Variants in GRIN2B observed in about 807,000 individuals in gnomAD.
GRIN2B encodes the protein glutamate receptor ionotropic, NMDA 2B.
In GRIN2B, 5 loss-of-function variants were observed where a neutral mutation model predicts 114.5. The ratio of observed to expected loss-of-function variants is 0.04; its 90% CI spans 0.02 to 0.09. The LOEUF (loss-of-function observed/expected upper bound fraction) is 0.09. Ranked by LOEUF, GRIN2B falls within the 10% of genes least tolerant of loss-of-function variation. The pLI is 1.00. For synonymous variants in GRIN2B, 787 were observed against 745.1 expected (o/e 1.06, Z -0.92); for missense variants, 1,108 against 1,943.5 (o/e 0.57, Z 8.08).
chr12:13,621,620 T>TG (rs1949516725), intron 5 of GRIN2B, among the ~76,000 whole-genome samples: 2 of 145,206 alleles, frequency 1.4e-5, no homozygotes, highest in African/African-American at 2.6e-5. Context: ...TTTGTTTTTT[T>TG]TTTTTTTTTT....
At chr12:13,863,599 A>G (rs927779283) in intron 3 of GRIN2B, among the ~76,000 whole-genome samples, 1 of 152,234 alleles carries the variant, frequency 6.6e-6, no homozygotes, top group African/African-American at 2.4e-5. Context: ...AGAGTATTAA[A>G]TAAGATAGTA....
At chr12:13,824,184 T>C (rs1356805127) in intron 3 of GRIN2B, among the ~76,000 whole-genome samples, 1 of 152,088 alleles carries the variant, frequency 6.6e-6, no homozygotes, top group Admixed American at 6.6e-5. Context: ...CCTGGAAGAG[T>C]TTGTGTAGAA....
intron 4 of GRIN2B, among the ~76,000 whole-genome samples, chr12:13,695,520 A>G (rs1950252410): frequency 6.6e-6 from 1 of 152,170 alleles, no homozygotes; most frequent in Admixed American, 6.5e-5. Context: ...AAGAATGGAG[A>G]GTCCAGAGAG....
chr12:13,616,165 C>T (rs1949437359), intron 6 of GRIN2B, among the ~76,000 whole-genome samples: 1 of 152,160 alleles, frequency 6.6e-6, no homozygotes, highest in Non-Finnish European at 1.5e-5. Context: ...CATATTTGAA[C>T]ACCAGAAGTA....
chr12:13,979,673 T>G (rs1395032302), intron 2 of GRIN2B, among the ~76,000 whole-genome samples: 1 of 152,042 alleles, frequency 6.6e-6, no homozygotes, highest in Non-Finnish European at 1.5e-5. Flanking sequence ...CCTGATGCCA[T>G]CCAACATCTT....
At chr12:13,787,024 G>C (rs529134418) in intron 3 of GRIN2B, among the ~76,000 whole-genome samples, 12 of 151,936 alleles carry the variant, frequency 7.9e-5, no homozygotes, top group African/African-American at 2.9e-4. Context: ...GTTCTTACCT[G>C]CTGCTTTCTG....
chr12:13,669,537 C>A (rs573695087), intron 5 of GRIN2B, among the ~76,000 whole-genome samples: 1 of 152,174 alleles, frequency 6.6e-6, no homozygotes, highest in South Asian at 2.1e-4. Context: ...CCCTTAGATG[C>A]CTTCTGTAGA....
chr12:13,596,601 A>G (rs1949076478), intron 10 of GRIN2B, among the ~76,000 whole-genome samples: 2 of 152,208 alleles, frequency 1.3e-5, no homozygotes, highest in African/African-American at 4.8e-5. Context: ...TTGTAGCTGG[A>G]TTAAGTAAAC....
At chr12:13,587,758 G>A (rs1223751053) in intron 10 of GRIN2B, among the ~76,000 whole-genome samples, 1 of 152,210 alleles carries the variant, frequency 6.6e-6, no homozygotes, top group Admixed American at 6.5e-5. Context: ...GCTTGGAGCA[G>A]ACACTTTTTC....
intron 4 of GRIN2B, among the ~76,000 whole-genome samples, chr12:13,745,852 G>T (rs1292447344): frequency 5.3e-5 from 8 of 152,118 alleles, no homozygotes; most frequent in Admixed American, 2.0e-4. Flanking sequence ...CTGGGCCTCG[G>T]GTTCCTTAAA....
chr12:13,903,439 A>G lies in GRIN2B; in HGVS notation c.-18-37213T>C, dbSNP rs752527239. 1.1e-4 allele frequency among the ~76,000 whole-genome samples: 17 copies of G among 152,248 alleles called. No individual in the cohort carries two copies. In the South Asian group the frequency reaches 3.1e-3, roughly 28 times the overall value. On this transcript the variant is annotated intron_variant, in intron 2 of 13. Transcript: ENST00000609686. ...TATGTAGCATTTTAGTTATTGTTCA[A>G]TTCGAAATAGTTTCTAAACTTCTAT...
At chr12:13,608,310 C>A (rs1014399274) in intron 10 of GRIN2B, among the ~76,000 whole-genome samples, 1 of 152,104 alleles carries the variant, frequency 6.6e-6, no homozygotes, top group African/African-American at 2.4e-5. Flanking sequence ...GATAGGCCAC[C>A]CAACCACATC....
At chr12:13,912,495 AG>A (rs1176162274) in intron 2 of GRIN2B, among the ~76,000 whole-genome samples, 1 of 152,214 alleles carries the variant, frequency 6.6e-6, no homozygotes, top group Non-Finnish European at 1.5e-5. Flanking sequence ...TTAGGGTTTC[AG>A]GGAGTATGGC....
In GRIN2B at chr12:13,793,441, C is replaced by A. The variant is rs117271744; in HGVS notation, c.412-39526G>T. Among the ~76,000 whole-genome samples, 84 of 145,918 alleles carry A rather than the reference C, an allele frequency of 5.8e-4. No individual in the cohort carries two copies. In the East Asian group the frequency reaches 0.011, roughly 19 times the overall value. On this transcript the variant is annotated intron_variant, in intron 3 of 13. Coordinates refer to ENST00000609686, the MANE Select transcript of GRIN2B (RefSeq NM_000834.5). ...GTCTCAAAAAAAAAAAAACGTTATT[C>A]AACTCACAAATCCTTAGTTCTCAAG...
chr12:13,791,675 TTAAC>T (rs1864324573), intron 3 of GRIN2B, among the ~76,000 whole-genome samples: 2 of 152,108 alleles, frequency 1.3e-5, no homozygotes, highest in South Asian at 4.1e-4. Flanking sequence ...ATTTTTTAAA[TTAAC>T]TAAATAATTC....
At chr12:13,929,292 T>C (rs1264872606) in intron 2 of GRIN2B, among the ~76,000 whole-genome samples, 1 of 152,146 alleles carries the variant, frequency 6.6e-6, no homozygotes, top group African/African-American at 2.4e-5. Flanking sequence ...AGTTCTAACT[T>C]GCATAGATTC....
chr12:13,866,526 T>C lies in GRIN2B; in HGVS notation c.-18-300A>G, dbSNP rs184058409. Among the ~76,000 whole-genome samples, 699 of 152,292 alleles carry C rather than the reference T, an allele frequency of 4.6e-3. 2 individuals carry two copies. The highest frequency in any genetic ancestry group is 0.014 in the South Asian group (69 of 4,826). On this transcript the variant is annotated intron_variant, in intron 2 of 13. Coordinates refer to ENST00000609686, the MANE Select transcript of GRIN2B (RefSeq NM_000834.5). ...AGGTTGTGAGTGGTCCAGGTAGCCA[T>C]GCGAGTATGCATACACAAATCTCCT... is the stretch of plus-strand genomic sequence containing the variant.
chr12:13,640,529 A>G (rs1679510136), intron 5 of GRIN2B, among the ~76,000 whole-genome samples: 1 of 152,014 alleles, frequency 6.6e-6, no homozygotes, highest in African/African-American at 2.4e-5. Flanking sequence ...TCTCTATTGT[A>G]TAGTTTGTCT....
At chr12:13,630,288 T>A (rs969683112) in intron 5 of GRIN2B, among the ~76,000 whole-genome samples, 1 of 152,254 alleles carries the variant, frequency 6.6e-6, no homozygotes, top group African/African-American at 2.4e-5. Flanking sequence ...ACATGCAGTA[T>A]GAAATTTAAT....
Sources: allele counts gnomAD v4.1 joint callset (sites outside exome capture counted in the v4.1 genomes callset), GRCh38; gene constraint gnomAD v4.1.1; transcripts MANE v1.5; gene names NCBI Gene and HGNC (gene_info 2026-07-23, HGNC 2026-07-21).